The following CPED1 variants were observed in gnomAD, a reference collection of about 807,000 sequenced individuals.
The protein encoded by CPED1 is cadherin like and PC-esterase domain containing 1, also known as cadherin-like and PC-esterase domain-containing protein 1.
A neutral mutation model predicts 128.2 loss-of-function variants in CPED1; 114 were observed. The ratio of observed to expected loss-of-function variants is 0.89; its 90% CI spans 0.76 to 1.04. CPED1 has a LOEUF of 1.04. Among genes scored for constraint, CPED1 ranks in the 50% least tolerant of loss-of-function variants. CPED1 has a pLI of 0.00. For synonymous variants in CPED1, 462 were observed against 426.7 expected (o/e 1.08, Z -1.02); for missense variants, 1,211 against 1,207.1 (o/e 1.00, Z -0.05).
chr7:121,119,401 G>A (rs1200692153), intron 7 of CPED1, among the ~76,000 whole-genome samples: 2 of 150,820 alleles, frequency 1.3e-5, no homozygotes, highest in African/African-American at 4.9e-5. Context: ...TCCTGACCTC[G>A]TGATCCACCC....
chr7:121,034,029 G>T (rs1006744111), intron 3 of CPED1, among the ~76,000 whole-genome samples: 3 of 152,108 alleles, frequency 2.0e-5, no homozygotes, highest in African/African-American at 7.2e-5. Context: ...AGAACAGGAA[G>T]AAGGAATAAT....
rs758063725 is a variant in CPED1, at chr7:121,266,350, G to A, written c.2434G>A (p.Gly812Arg). Residue 812 changes from glycine (G) to arginine (R), a missense_variant, in exon 19 of 23, where the codon GGG (glycine) becomes AGG (arginine). By Grantham distance (125) the Gly-to-Arg change is moderately radical (BLOSUM62 -2). Transcript: ENST00000310396. ...GTKFYHNVNG[G>R]KTLISYSYYP... ...TAAATTCTATCACAACGTCAATGGTGGGAAGACTTTGATCAGTTATTCCTA... is the reference window on the plus strand; with the variant it reads ...TAAATTCTATCACAACGTCAATGGTAGGAAGACTTTGATCAGTTATTCCTA... The A allele has an allele frequency of 6.2e-7, 1 of 1,612,944 alleles. No individual in the cohort carries two copies. Among genetic ancestry groups the A allele is most frequent in the Non-Finnish European group, 8.5e-7 (1 of 1,179,340 alleles).
chr7:121,248,741 A>G (rs559741674), intron 18 of CPED1, among the ~76,000 whole-genome samples: 2 of 152,304 alleles, frequency 1.3e-5, no homozygotes, highest in South Asian at 4.1e-4. Flanking sequence ...AATAAGAAAG[A>G]ATCAGCCTAA....
Position 121,297,283 on chromosome 7 carries a change from T to C in CPED1, c.*1631T>C, listed in dbSNP as rs1193233576. The C allele has an allele frequency of 2.0e-5, 3 of 152,162 alleles. No homozygotes were observed. Among genetic ancestry groups the C allele is most frequent in the South Asian group, 4.1e-4 (2 of 4,836 alleles). The allele number at this position is 152,162 out of a possible 1,614,324, so 9.4% of individuals were successfully genotyped here. ...CATCATGTTTTAACATACTGTATAC[T>C]CTATAGCAGTATTACAGTCAGTATT... On this transcript the variant is annotated 3_prime_UTR_variant, in exon 23 of 23. Transcript: ENST00000310396.
At chr7:121,018,111 GAGAACA>G (rs1792348366) in intron 3 of CPED1, among the ~76,000 whole-genome samples, 1 of 152,000 alleles carries the variant, frequency 6.6e-6, no homozygotes, top group African/African-American at 2.4e-5. Flanking sequence ...TTTTTACTAT[GAGAACA>G]ATATGCATCA....
chr7:121,282,546 C>T (rs1048630226), intron 22 of CPED1, among the ~76,000 whole-genome samples: 3 of 152,112 alleles, frequency 2.0e-5, no homozygotes, highest in Non-Finnish European at 4.4e-5. Context: ...TCCTTTTTCT[C>T]CAGTTTAGAG....
intron 2 of CPED1, among the ~76,000 whole-genome samples, chr7:121,011,084 A>G (rs939710095): frequency 3.9e-5 from 6 of 152,180 alleles, no homozygotes; most frequent in African/African-American, 1.4e-4. Flanking sequence ...CAGGAAGGCA[A>G]TTTAACTTTT....
intron 8 of CPED1, 70 bp downstream of exon 8, chr7:121,124,543 G>C (rs1307308628): frequency 2.5e-6 from 3 of 1,206,450 alleles, no homozygotes; most frequent in East Asian, 5.6e-5. Context: ...AAAATTGTTG[G>C]TGGAAATGTA....
intron 7 of CPED1, among the ~76,000 whole-genome samples, chr7:121,118,014 G>A (rs916618595): frequency 2.0e-5 from 3 of 151,864 alleles, no homozygotes; most frequent in Admixed American, 6.6e-5. Flanking sequence ...TCACAATTCA[G>A]GTTGCTTTCA....
At chr7:121,161,275 G>A (rs1391865403) in intron 16 of CPED1, among the ~76,000 whole-genome samples, 1 of 152,146 alleles carries the variant, frequency 6.6e-6, no homozygotes, top group Non-Finnish European at 1.5e-5. Context: ...GCTCACTGGG[G>A]TTGCTGGCAG....
At chr7:121,174,442 G>C (rs73436022) in intron 16 of CPED1, among the ~76,000 whole-genome samples, 31 of 151,760 alleles carry the variant, frequency 2.0e-4, no homozygotes, top group Non-Finnish European at 3.1e-4. Context: ...CTGAATATGG[G>C]TAGCAGTTAT....
chr7:120,992,886 C>T lies in CPED1; in HGVS notation c.249+3016C>T, dbSNP rs559907007. On this transcript the variant is annotated intron_variant, in intron 2 of 22. Transcript: ENST00000310396. Reference sequence around the variant, plus strand: ...ATGGTGGGTGACTTTACCCTGCACACTTTTACACATGGGATCTGGTTCAAT... The same window carrying T: ...ATGGTGGGTGACTTTACCCTGCACATTTTTACACATGGGATCTGGTTCAAT... Among the ~76,000 whole-genome samples, 5 of 152,310 alleles carry T rather than the reference C, an allele frequency of 3.3e-5. No homozygotes were observed. The East Asian group carries it at 9.6e-4, about 29-fold the overall frequency.
At chr7:121,114,157 A>C (rs1795178762) in intron 7 of CPED1, among the ~76,000 whole-genome samples, 1 of 152,154 alleles carries the variant, frequency 6.6e-6, no homozygotes. Flanking sequence ...GAAACCCAGG[A>C]GATAGATTGA....
At chr7:121,286,428 C>A (rs1282293928) in intron 22 of CPED1, among the ~76,000 whole-genome samples, 1 of 152,182 alleles carries the variant, frequency 6.6e-6, no homozygotes, top group African/African-American at 2.4e-5. Flanking sequence ...ACAAGCATGG[C>A]AGGAATGCCC....
intron 17 of CPED1, 57 bp downstream of exon 17, chr7:121,236,888 G>A (rs758648881): frequency 2.3e-6 from 2 of 869,428 alleles, no homozygotes; most frequent in African/African-American, 3.4e-5. Flanking sequence ...GTATAGATAA[G>A]TGTATGCTTA....
At chr7:121,053,365 GT>G (rs2115998988) in intron 4 of CPED1, among the ~76,000 whole-genome samples, 2 of 152,118 alleles carry the variant, frequency 1.3e-5, no homozygotes, top group East Asian at 3.9e-4. Flanking sequence ...CTGGTCAGGT[GT>G]TTTGTGGAAT....
At chr7:121,093,428 AGTT>A (rs1270835797) in intron 5 of CPED1, among the ~76,000 whole-genome samples, 13 of 150,320 alleles carry the variant, frequency 8.6e-5, no homozygotes, top group Admixed American at 3.3e-4. Context: ...ACACACACAC[AGTT>A]GTTTGTTTGT....
At chr7:121,178,313 T>C (rs1796828722) in intron 16 of CPED1, among the ~76,000 whole-genome samples, 2 of 152,124 alleles carry the variant, frequency 1.3e-5, no homozygotes, top group Admixed American at 6.6e-5. Flanking sequence ...ATTAAATTTC[T>C]TTTCAGAGAA....
intron 16 of CPED1, among the ~76,000 whole-genome samples, chr7:121,215,484 A>G (rs1797740212): frequency 6.6e-6 from 1 of 152,092 alleles, no homozygotes; most frequent in Non-Finnish European, 1.5e-5. Context: ...GAAACTGCAT[A>G]CTTTATCTTG....
Sources: allele counts gnomAD v4.1 joint callset (sites outside exome capture counted in the v4.1 genomes callset), GRCh38; gene constraint gnomAD v4.1.1; transcripts MANE v1.5; gene names NCBI Gene and HGNC (gene_info 2026-07-23, HGNC 2026-07-21).